The following ODAD2 variants were observed in gnomAD, a reference collection of about 807,000 sequenced individuals.
The protein encoded by ODAD2 is outer dynein arm-docking complex subunit 2.
ODAD2 carries 89 observed loss-of-function variants against 106.8 expected under a neutral mutation model. The ratio of observed to expected loss-of-function variants is 0.83; its 90% CI spans 0.70 to 0.99. The LOEUF (loss-of-function observed/expected upper bound fraction) is 0.99, where lower values mean the gene tolerates loss of function less well. Among genes scored for constraint, ODAD2 ranks in the 50% least tolerant of loss-of-function variants. The pLI is 0.00. For synonymous variants in ODAD2, 404 were observed against 436.2 expected, an observed-to-expected ratio of 0.93 and a Z score of 0.92; for missense variants, 1,168 against 1,238.5, an observed-to-expected ratio of 0.94 and a Z score of 0.85.
At chr10:27,874,145 T>TA (rs1841134320) in intron 17 of ODAD2, among the ~76,000 whole-genome samples, 1 of 152,232 alleles carries the variant, frequency 6.6e-6, no homozygotes, top group Non-Finnish European at 1.5e-5. Flanking sequence ...TTTGTTGGTT[T>TA]AAAGTCTGTT....
chr10:27,997,104 T>C (rs950532529), intron 1 of ODAD2, among the ~76,000 whole-genome samples: 6 of 152,212 alleles, frequency 3.9e-5, no homozygotes, highest in African/African-American at 1.4e-4. Context: ...TCCAGACATA[T>C]ATACCAAAGT....
intron 19 of ODAD2, among the ~76,000 whole-genome samples, chr10:27,849,449 T>A (rs1365417867): frequency 1.3e-5 from 2 of 151,862 alleles, no homozygotes; most frequent in Non-Finnish European, 2.9e-5. Context: ...ACACCTAATG[T>A]AAATGACGAG....
chr10:27,869,102 A>T (rs1484329435), intron 17 of ODAD2, among the ~76,000 whole-genome samples: 6 of 152,052 alleles, frequency 3.9e-5, no homozygotes, highest in African/African-American at 1.2e-4. Context: ...CAGATGAAAG[A>T]TATCTATAAA....
chr10:27,867,841 T>A lies in ODAD2; in HGVS notation c.2611-5219A>T, dbSNP rs541027558. 1.8e-3 allele frequency among the ~76,000 whole-genome samples: 268 copies of A among 151,614 alleles called. 1 individual carries two copies. Among genetic ancestry groups the A allele is most frequent in the Non-Finnish European group, 1.7e-3 (112 of 67,852 alleles). On this transcript the variant is annotated intron_variant, in intron 17 of 19. Coordinates refer to ENST00000305242, the MANE Select transcript of ODAD2 (RefSeq NM_018076.5). Reference sequence around the variant, plus strand: ...GCGTGAACCTGTAATCCCAGCTATTTGGGAGGCTGAGGCATGAGAATCGCT... The same window carrying A: ...GCGTGAACCTGTAATCCCAGCTATTAGGGAGGCTGAGGCATGAGAATCGCT...
At chr10:27,831,063 G>T (rs936076747) in intron 19 of ODAD2, among the ~76,000 whole-genome samples, 11 of 152,154 alleles carry the variant, frequency 7.2e-5, no homozygotes, top group Admixed American at 2.6e-4. Context: ...GGAGTGGATG[G>T]GGGAGGGAAG....
chr10:27,933,633 T>G (rs1247288194), intron 16 of ODAD2, among the ~76,000 whole-genome samples: 1 of 152,134 alleles, frequency 6.6e-6, no homozygotes, highest in South Asian at 2.1e-4. Flanking sequence ...GGTGGCCAAG[T>G]AGATTTGGGT....
chr10:27,966,780 ATAC>A (rs1257125030), intron 9 of ODAD2, among the ~76,000 whole-genome samples: 2 of 152,318 alleles, frequency 1.3e-5, no homozygotes, highest in African/African-American at 4.8e-5. Context: ...AAAAATTGAA[ATAC>A]TTTCGGCCCA....
At chr10:27,963,225 T>C (rs1434747785) in intron 9 of ODAD2, among the ~76,000 whole-genome samples, 1 of 152,084 alleles carries the variant, frequency 6.6e-6, no homozygotes, top group Non-Finnish European at 1.5e-5. Flanking sequence ...GCCAGGCTGG[T>C]CTCGAACTCT....
At position 27,985,001 on chromosome 10, in the gene ODAD2, T is replaced by A. The variant is rs1166729934; in HGVS notation, c.575+18A>T. On this transcript the variant is annotated intron_variant, in intron 4 of 19. Coordinates refer to ENST00000305242, the MANE Select transcript of ODAD2 (RefSeq NM_018076.5). The stretch of plus-strand genomic sequence containing the variant: ...CTTGGCTCAATACAATAGAGGTTCC[T>A]TTTTGAAAAAGACTCACAATGAAAT... 1.3e-6 allele frequency: 2 copies of A among 1,598,096 alleles called. No homozygotes were observed. Among genetic ancestry groups the A allele is most frequent in the South Asian group, 2.3e-5 (2 of 88,086 alleles).
intron 16 of ODAD2, among the ~76,000 whole-genome samples, chr10:27,910,796 A>C (rs1243602603): frequency 6.6e-6 from 1 of 151,950 alleles, no homozygotes; most frequent in African/African-American, 2.4e-5. Context: ...AAAAACAGAT[A>C]CAGTCAATTC....
intron 19 of ODAD2, among the ~76,000 whole-genome samples, chr10:27,848,537 AC>A (rs1267789935): frequency 2.1e-5 from 2 of 95,806 alleles, no homozygotes; most frequent in African/African-American, 6.9e-5. Flanking sequence ...AACAATGGTA[AC>A]AAAAGCCAAA....
At chr10:27,911,190 G>A (rs1032201105) in intron 16 of ODAD2, among the ~76,000 whole-genome samples, 1 of 152,142 alleles carries the variant, frequency 6.6e-6, no homozygotes, top group Admixed American at 6.5e-5. Context: ...AGCACAGACT[G>A]TGAAAAACGT....
chr10:27,987,304 A>T, intron 3 of ODAD2, 82 bp downstream of exon 3: 6 of 1,281,398 alleles, frequency 4.7e-6, no homozygotes, highest in Non-Finnish European at 6.5e-6. Context: ...GACTCTAACA[A>T]ATGATCCTCC....
chr10:27,889,176 G>T (rs1369217990), intron 17 of ODAD2, among the ~76,000 whole-genome samples: 2 of 152,194 alleles, frequency 1.3e-5, no homozygotes, highest in Non-Finnish European at 2.9e-5. Context: ...ACTAAAGGTT[G>T]CCTGTGGCTG....
rs563869778 is a variant in ODAD2 at position 27,974,760 on chromosome 10, T to C, written c.937-3447A>G. The stretch of plus-strand genomic sequence containing the variant: ...TTCCATATGAATTTTAAAATAGTTT[T>C]TTCTAGTTCTGTGAAGAATGTTTTT... On this transcript the variant is annotated intron_variant, in intron 7 of 19. Transcript: ENST00000305242. 2.6e-5 allele frequency among the ~76,000 whole-genome samples: 4 copies of C among 152,226 alleles called. No individual in the cohort carries two copies. In the South Asian group the frequency reaches 8.3e-4, roughly 32 times the overall value.
intron 2 of ODAD2, among the ~76,000 whole-genome samples, chr10:27,988,944 G>A (rs1367462654): frequency 2.0e-5 from 3 of 152,126 alleles, no homozygotes; most frequent in East Asian, 1.9e-4. Flanking sequence ...CTTATAAGAG[G>A]AAGACAGGAG....
intron 12 of ODAD2, 141 bp from the exon 13 acceptor site, chr10:27,940,946 T>A: frequency 2.3e-6 from 2 of 880,684 alleles, no homozygotes; most frequent in Non-Finnish European, 3.4e-6. Context: ...TCGTACTCCA[T>A]AGCAGCCACG....
chr10:27,973,748 T>C (rs118092192), intron 7 of ODAD2, among the ~76,000 whole-genome samples: 4,403 of 152,250 alleles, frequency 0.029, 120 homozygotes, highest in East Asian at 0.1. Context: ...AATGAACATA[T>C]GTGTGCATGT....
At chr10:27,830,212 G>A (rs192484493) in intron 19 of ODAD2, among the ~76,000 whole-genome samples, 9 of 152,168 alleles carry the variant, frequency 5.9e-5, no homozygotes, top group South Asian at 4.2e-4. Context: ...CTGGTTTCCC[G>A]GAATGTCTTT....
Sources: gnomAD v4.1 joint callset for allele counts (sites outside exome capture counted in the v4.1 genomes callset) on GRCh38, gnomAD v4.1.1 for gene constraint, MANE v1.5 for transcripts, NCBI Gene and HGNC (gene_info 2026-07-23, HGNC 2026-07-21) for gene names.